GNAQ: variants seen among roughly 807,000 people sequenced by gnomAD.
GNAQ encodes the protein G protein subunit alpha q.
A neutral mutation model predicts 43.9 loss-of-function variants in GNAQ; 8 were observed. That is an observed-to-expected ratio of 0.18 (90% CI 0.11 to 0.33). The LOEUF (loss-of-function observed/expected upper bound fraction) is 0.33, where lower values mean the gene tolerates loss of function less well. GNAQ is among the 10% of genes least tolerant of loss of function. GNAQ has a pLI of 1.00. For missense variants in GNAQ, 158 were observed against 450.8 expected (o/e 0.35, Z 5.88); for synonymous variants, 155 against 170.7 (o/e 0.91, Z 0.71).
At chr9:77,741,885 G>C (rs1397597855) in intron 5 of GNAQ, among the ~76,000 whole-genome samples, 1 of 152,130 alleles carries the variant, frequency 6.6e-6, no homozygotes, top group Non-Finnish European at 1.5e-5. Context: ...AGTTAAGGAG[G>C]GCAGGGACAA....
At chr9:77,791,295 A>G (rs998675128) in intron 5 of GNAQ, among the ~76,000 whole-genome samples, 2 of 152,204 alleles carry the variant, frequency 1.3e-5, no homozygotes, top group African/African-American at 2.4e-5. Flanking sequence ...CAGAAAAATA[A>G]AGATTAAAAG....
chr9:77,771,534 G>T (rs1007231592), intron 5 of GNAQ, among the ~76,000 whole-genome samples: 5 of 152,188 alleles, frequency 3.3e-5, no homozygotes, highest in Non-Finnish European at 7.3e-5. Flanking sequence ...GAGCACAGGC[G>T]AAGACAAGGA....
At chr9:77,914,965 T>A (rs192372941) in intron 2 of GNAQ, among the ~76,000 whole-genome samples, 9 of 152,214 alleles carry the variant, frequency 5.9e-5, no homozygotes, top group Admixed American at 5.2e-4. Flanking sequence ...TTTTTAAAAA[T>A]TTTTCATAGG....
At chr9:77,903,522 G>C (rs1828646719) in intron 2 of GNAQ, among the ~76,000 whole-genome samples, 2 of 152,164 alleles carry the variant, frequency 1.3e-5, no homozygotes, top group Admixed American at 1.3e-4. Flanking sequence ...CAGTAAGGGT[G>C]AGCTCTCACT....
chr9:77,868,687 C>A (rs1351546193), intron 2 of GNAQ, among the ~76,000 whole-genome samples: 6 of 152,104 alleles, frequency 3.9e-5, no homozygotes, highest in African/African-American at 9.7e-5. Flanking sequence ...TCCAGCTACT[C>A]AGGAGGCTGA....
At chr9:77,807,948 CTTTA>C (rs1826853510) in intron 3 of GNAQ, among the ~76,000 whole-genome samples, 1 of 152,118 alleles carries the variant, frequency 6.6e-6, no homozygotes, top group African/African-American at 2.4e-5. Flanking sequence ...TCCAACCAAA[CTTTA>C]TTTATAAAAA....
intron 3 of GNAQ, among the ~76,000 whole-genome samples, chr9:77,798,008 A>C (rs1826683884): frequency 6.6e-6 from 1 of 152,252 alleles, no homozygotes; most frequent in Non-Finnish European, 1.5e-5. Flanking sequence ...ATAGTGTTTA[A>C]GACAACAGAG....
chr9:77,874,550 C>T (rs944301987), intron 2 of GNAQ, among the ~76,000 whole-genome samples: 1 of 152,132 alleles, frequency 6.6e-6, no homozygotes, highest in Non-Finnish European at 1.5e-5. Flanking sequence ...TCCCTATGTC[C>T]CTCAAAATCC....
chr9:77,788,414 A>G (rs1296948281), intron 5 of GNAQ, among the ~76,000 whole-genome samples: 1 of 152,246 alleles, frequency 6.6e-6, no homozygotes, highest in Non-Finnish European at 1.5e-5. Flanking sequence ...TGCAAAATGA[A>G]ACCATTTTAA....
intron 5 of GNAQ, among the ~76,000 whole-genome samples, chr9:77,752,566 A>C (rs1464819179): frequency 6.6e-6 from 1 of 152,250 alleles, no homozygotes; most frequent in African/African-American, 2.4e-5. Context: ...TTGCTCCCAA[A>C]CCCACAAAGT....
At chr9:77,723,025 A>G (rs1825341250) in intron 6 of GNAQ, among the ~76,000 whole-genome samples, 1 of 152,244 alleles carries the variant, frequency 6.6e-6, no homozygotes, top group Non-Finnish European at 1.5e-5. Context: ...ATAGGCGTTT[A>G]GTGTCCAGAA....
intron 2 of GNAQ, among the ~76,000 whole-genome samples, chr9:77,882,664 G>C (rs2118071975): frequency 6.6e-6 from 1 of 152,188 alleles, no homozygotes; most frequent in African/African-American, 2.4e-5. Flanking sequence ...ATGATGTGTT[G>C]AGATCCAGTT....
intron 2 of GNAQ, among the ~76,000 whole-genome samples, chr9:77,836,010 G>C (rs139584329): frequency 1.5e-4 from 23 of 151,908 alleles, no homozygotes; most frequent in African/African-American, 5.5e-4. Flanking sequence ...GAAAAACGAA[G>C]AAGAAAGAAA....
chr9:77,892,213 G>T (rs1828417930), intron 2 of GNAQ, among the ~76,000 whole-genome samples: 1 of 152,114 alleles, frequency 6.6e-6, no homozygotes, highest in Non-Finnish European at 1.5e-5. Context: ...TCACAGTGGG[G>T]CCTCTCTCCC....
At chr9:77,946,672 G>A (rs1822904034) in intron 1 of GNAQ, among the ~76,000 whole-genome samples, 1 of 152,346 alleles carries the variant, frequency 6.6e-6, no homozygotes, top group Non-Finnish European at 1.5e-5. Flanking sequence ...CTGTATTGTT[G>A]TTAACTGCAG....
chr9:77,845,020 G>T lies in GNAQ; in HGVS notation c.322-29250C>A, dbSNP rs185140395. Among the ~76,000 whole-genome samples, 10 of 152,136 alleles carry T rather than the reference G, an allele frequency of 6.6e-5. No individual in the cohort carries two copies. The East Asian group carries it at 1.9e-3, about 29-fold the overall frequency. ...CTATCTTACTTATTACAAAACTATG[G>T]GGATGAAGTTAAATACTATATATGA... On this transcript the variant is annotated intron_variant, in intron 2 of 6. Coordinates refer to ENST00000286548, the MANE Select transcript of GNAQ (RefSeq NM_002072.5).
intron 1 of GNAQ, among the ~76,000 whole-genome samples, chr9:77,926,747 C>T (rs911427916): frequency 1.3e-5 from 2 of 152,132 alleles, no homozygotes. Context: ...TTGAAAATAT[C>T]CCCATAAAAG....
intron 2 of GNAQ, among the ~76,000 whole-genome samples, chr9:77,912,867 A>G (rs1828831206): frequency 6.6e-6 from 1 of 152,182 alleles, no homozygotes; most frequent in Non-Finnish European, 1.5e-5. Flanking sequence ...TAAAAAGACT[A>G]CTGGGTGAGG....
intron 2 of GNAQ, among the ~76,000 whole-genome samples, chr9:77,901,247 GC>G (rs1564145691): frequency 2.0e-5 from 3 of 152,152 alleles, no homozygotes; most frequent in African/African-American, 7.2e-5. Context: ...CTGCCCAAGG[GC>G]TCTTGGGCAG....
Sources: allele counts gnomAD v4.1 joint callset (sites outside exome capture counted in the v4.1 genomes callset), GRCh38; gene constraint gnomAD v4.1.1; transcripts MANE v1.5; gene names NCBI Gene and HGNC (gene_info 2026-07-23, HGNC 2026-07-21).